The following KALRN variants were observed in gnomAD, a reference collection of about 807,000 sequenced individuals.
KALRN encodes the protein kalirin RhoGEF kinase.
A neutral mutation model predicts 353.7 loss-of-function variants in KALRN; 70 were observed. The observed-to-expected ratio is 0.20, with a 90% CI of 0.16 to 0.24. The LOEUF (loss-of-function observed/expected upper bound fraction) is 0.24, where lower values mean the gene tolerates loss of function less well. Among genes scored for constraint, KALRN ranks in the 10% least tolerant of loss-of-function variants. KALRN has a pLI of 1.00. For missense variants in KALRN, 2,791 were observed against 3,756.7 expected (o/e 0.74, Z 6.72); for synonymous variants, 1,391 against 1,434.8 (o/e 0.97, Z 0.69).
intron 3 of KALRN, among the ~76,000 whole-genome samples, chr3:124,238,935 G>A (rs912673514): frequency 1.3e-5 from 2 of 152,096 alleles, no homozygotes; most frequent in African/African-American, 4.8e-5. Context: ...TAACAGGGTG[G>A]GAAGAAACCT....
At chr3:124,067,256 A>G (rs1436706830) in intron 1 of KALRN, among the ~76,000 whole-genome samples, 2 of 152,118 alleles carry the variant, frequency 1.3e-5, no homozygotes, top group African/African-American at 4.8e-5. Flanking sequence ...ATTAGCACTT[A>G]TCCTGTCTTC....
chr3:124,161,450 A>G (rs142590470), intron 1 of KALRN, among the ~76,000 whole-genome samples: 6 of 152,172 alleles, frequency 3.9e-5, no homozygotes, highest in Non-Finnish European at 1.5e-5. Context: ...ATGATCTGAG[A>G]TCGCTTCTCC....
In KALRN at chr3:124,410,114, A is replaced by G. The variant is rs909139576; in HGVS notation, c.2347-3356A>G. The G allele has an allele frequency of 3.5e-5, 16 of 462,494 alleles. No homozygotes were observed. In the East Asian group the frequency reaches 3.9e-4, roughly 11 times the overall value. The allele number at this position is 462,494 out of a possible 1,614,324, so 28.6% of individuals were successfully genotyped here. On this transcript the variant is annotated intron_variant, in intron 13 of 59. Coordinates refer to ENST00000682506, the MANE Select transcript of KALRN (RefSeq NM_001388419.1). ...AGGTACAGAATCCTGGACATATTTC[A>G]CATTTAGCTTAGATTTGAATTCCCA...
chr3:124,697,085 C>A (rs898555200), intron 54 of KALRN, among the ~76,000 whole-genome samples: 4 of 152,080 alleles, frequency 2.6e-5, no homozygotes, highest in African/African-American at 9.7e-5. Flanking sequence ...ATGCCCAGCT[C>A]ATTTTTTAAA....
intron 1 of KALRN, among the ~76,000 whole-genome samples, chr3:124,060,908 T>C (rs1000833742): frequency 6.6e-6 from 1 of 152,196 alleles, no homozygotes; most frequent in African/African-American, 2.4e-5. Context: ...GGGGGAATGG[T>C]TAGCTAAGAG....
intron 12 of KALRN, 42 bp downstream of exon 12, chr3:124,395,385 T>C (rs1319430236): frequency 2.6e-6 from 4 of 1,523,294 alleles, no homozygotes; most frequent in Non-Finnish European, 3.6e-6. Flanking sequence ...TGCCTCGGGC[T>C]AGACGTGAGA....
In KALRN at chr3:124,228,084, T is replaced by G. The variant is rs775224287; in HGVS notation, c.148+20T>G. The G allele has an allele frequency of 3.1e-6, 5 of 1,597,176 alleles. No individual in the cohort carries two copies. In the South Asian group the frequency reaches 5.5e-5, roughly 18 times the overall value. On this transcript the variant is annotated intron_variant, in intron 2 of 59. Transcript: ENST00000682506. ...TGTCTGGTGAGTATTTGTGGGACTTTCTTTTGTAAAGGACCTAGAGAAGTT... is the reference window on the plus strand; with the variant it reads ...TGTCTGGTGAGTATTTGTGGGACTTGCTTTTGTAAAGGACCTAGAGAAGTT...
rs778641408 is a variant in KALRN at position 124,694,467 on chromosome 3, C to T, written c.7541C>T (p.Thr2514Ile). 3.7e-6 allele frequency: 6 copies of T among 1,614,042 alleles called. No individual in the cohort carries two copies. ...GGTCCAGACCAGAACATCCTTGACA[C>T]TGATAACAGCTCAGCCACATACACG... Reference protein sequence around the residue: ...WKGPDQNILDTDNSSATYTVS... With the variant: ...WKGPDQNILDIDNSSATYTVS... Residue 2514 changes from threonine to isoleucine, a missense_variant, in exon 53 of 60, where the codon ACT (threonine) becomes ATT (isoleucine). Physicochemically the swap from Thr to Ile is moderately conservative, Grantham distance 89. This residue lies in a region of KALRN where 1,065 missense variants were observed against 1,156.4 expected (regional missense o/e 0.92). Transcript: ENST00000682506.
At chr3:124,538,260 T>TTGTG (rs113800335) in intron 33 of KALRN, among the ~76,000 whole-genome samples, 77,871 of 150,004 alleles carry the variant, frequency 0.52, 21,038 homozygotes, top group African/African-American at 0.68. Context: ...GTGTGTGTGT[T>TTGTG]TGTGTGTGTG....
At chr3:124,394,500 G>A (rs2089913517) in intron 11 of KALRN, among the ~76,000 whole-genome samples, 2 of 152,134 alleles carry the variant, frequency 1.3e-5, no homozygotes, top group Non-Finnish European at 2.9e-5. Flanking sequence ...TTTTAAAGTT[G>A]TCTGGCCAGT....
intron 21 of KALRN, among the ~76,000 whole-genome samples, chr3:124,447,595 C>T (rs960895751): frequency 1.3e-5 from 2 of 152,174 alleles, no homozygotes; most frequent in African/African-American, 4.8e-5. Flanking sequence ...CCTTGCCACA[C>T]AGGAGGCTTT....
chr3:124,107,179 A>T (rs947946237), intron 1 of KALRN, among the ~76,000 whole-genome samples: 1 of 152,188 alleles, frequency 6.6e-6, no homozygotes, highest in Non-Finnish European at 1.5e-5. Flanking sequence ...TCCATATTTT[A>T]TAGACTATTT....
intron 34 of KALRN, among the ~76,000 whole-genome samples, chr3:124,601,970 G>A (rs2149459748): frequency 6.7e-6 from 1 of 149,402 alleles, no homozygotes; most frequent in East Asian, 2.0e-4. Context: ...AGATTATAGT[G>A]AGCCAAGATC....
chr3:124,069,412 G>A (rs1480772114), intron 1 of KALRN, among the ~76,000 whole-genome samples: 2 of 151,402 alleles, frequency 1.3e-5, no homozygotes, highest in African/African-American at 4.9e-5. Flanking sequence ...GAGAGACTGG[G>A]GATCTCCCAG....
rs561685150 is a variant in KALRN at position 124,220,414 on chromosome 3, G to A, written c.74-7576G>A. Among the ~76,000 whole-genome samples the A allele has an allele frequency of 4.0e-4, 61 of 152,184 alleles. No homozygotes were observed. The South Asian group carries it at 0.012, about 31-fold the overall frequency. On this transcript the variant is annotated intron_variant, in intron 1 of 59. Coordinates refer to ENST00000682506, the MANE Select transcript of KALRN (RefSeq NM_001388419.1). ...TGTGTGTGTGTGTATGTGTGTGTGT[G>A]TGTATCTTTCTCTCTAGCTCTTTAT...
intron 1 of KALRN, among the ~76,000 whole-genome samples, chr3:124,088,278 C>T (rs1206443030): frequency 6.6e-6 from 1 of 152,178 alleles, no homozygotes; most frequent in Non-Finnish European, 1.5e-5. Context: ...ATAGTCAAAA[C>T]AGTTTTCATA....
intron 12 of KALRN, among the ~76,000 whole-genome samples, chr3:124,397,978 G>A (rs1414870803): frequency 6.6e-6 from 1 of 152,218 alleles, no homozygotes; most frequent in Non-Finnish European, 1.5e-5. Flanking sequence ...AGCAAACTGT[G>A]AAGTGAGCAG....
chr3:124,214,434 C>T (rs968778375), intron 1 of KALRN, among the ~76,000 whole-genome samples: 1 of 152,144 alleles, frequency 6.6e-6, no homozygotes, highest in African/African-American at 2.4e-5. Context: ...TTATTCTAAT[C>T]TTAGCATATA....
chr3:124,242,797 GT>G (rs2080646681), intron 3 of KALRN, among the ~76,000 whole-genome samples: 1 of 152,158 alleles, frequency 6.6e-6, no homozygotes, highest in South Asian at 2.1e-4. Context: ...GGTGAGGGTG[GT>G]GGTGGTGTTG....
Sources: gnomAD v4.1 joint callset for allele counts (sites outside exome capture counted in the v4.1 genomes callset) on GRCh38, gnomAD v4.1.1 for gene constraint, gnomAD v4.1.1 regional missense constraint, MANE v1.5 for transcripts, NCBI Gene and HGNC (gene_info 2026-07-23, HGNC 2026-07-21) for gene names.